ARFGEF3: variants seen among roughly 807,000 people sequenced by gnomAD.
The protein encoded by ARFGEF3 is ARFGEF family member 3.
In ARFGEF3, 96 loss-of-function variants were observed where a neutral mutation model predicts 221.7. The observed-to-expected ratio is 0.43, with a 90% CI of 0.37 to 0.51. ARFGEF3 has a LOEUF of 0.51. Among genes scored for constraint, ARFGEF3 ranks in the 20% least tolerant of loss-of-function variants. The probability of loss-of-function intolerance (pLI) is 0.00; values close to 1 mark genes in which losing one functional copy is unlikely to be tolerated. For missense variants in ARFGEF3, 2,410 were observed against 2,789.9 expected (o/e 0.86, Z 3.07); for synonymous variants, 1,145 against 1,126.8 (o/e 1.02, Z -0.32).
chr6:138,286,053 G>A lies in ARFGEF3; in HGVS notation c.2569G>A (p.Gly857Ser). 6.4e-7 allele frequency: 1 copy of A among 1,574,780 alleles called. No individual in the cohort carries two copies. The highest frequency in any genetic ancestry group is 8.7e-7 in the Non-Finnish European group (1 of 1,152,686). Residue 857 changes from glycine (G) to serine (S), a missense_variant and splice_region_variant, in exon 15 of 34, where the codon GGC becomes AGC. Physicochemically the swap from Gly to Ser is moderately conservative, Grantham distance 56 (BLOSUM62 0). Transcript: ENST00000251691. ...GAGAATTGATGACTCCACAGTGGCA[G>A]GTAATGACTTGGGTCTTGAGTTTAT... ...SRRIDDSTVA[G>S]VAFARYILVG...
chr6:138,333,873 G>A lies in ARFGEF3; in HGVS notation c.5124-97G>A, dbSNP rs150694582. The A allele has an allele frequency of 9.5e-6, 13 of 1,362,164 alleles. No homozygotes were observed. In the African/African-American group the frequency reaches 1.4e-4, roughly 15 times the overall value. 84.4% of individuals were successfully genotyped at this position (1,362,164 alleles called of 1,614,324 possible). ...TAGAGGTAGTTTAGTTTGTAAATTT[G>A]CATAGATCGTTCTGAAACGGGTAAC... On this transcript the variant is annotated intron_variant, in intron 32 of 33. Coordinates refer to ENST00000251691, the MANE Select transcript of ARFGEF3 (RefSeq NM_020340.5).
At chr6:138,225,433 CAA>C (rs1463597070) in intron 4 of ARFGEF3, among the ~76,000 whole-genome samples, 2 of 152,250 alleles carry the variant, frequency 1.3e-5, no homozygotes, top group Admixed American at 1.3e-4. Flanking sequence ...CTCTTATCTG[CAA>C]AGTCTGTCTT....
At chr6:138,289,394 T>C (rs1256496967) in intron 17 of ARFGEF3, among the ~76,000 whole-genome samples, 1 of 152,248 alleles carries the variant, frequency 6.6e-6, no homozygotes, top group East Asian at 1.9e-4. Context: ...ATGATCATAA[T>C]GAGAGCCTAA....
chr6:138,213,054 C>T (rs1047750942), intron 4 of ARFGEF3, among the ~76,000 whole-genome samples: 3 of 151,746 alleles, frequency 2.0e-5, no homozygotes, highest in Admixed American at 6.6e-5. Flanking sequence ...TTTGGGAGGT[C>T]GAGGTGGGGG....
chr6:138,172,066 C>G (rs1776846612), intron 2 of ARFGEF3, among the ~76,000 whole-genome samples: 1 of 152,080 alleles, frequency 6.6e-6, no homozygotes, highest in African/African-American at 2.4e-5. Flanking sequence ...AAATTCATTA[C>G]TTTTCCTGTA....
At chr6:138,301,892 A>G (rs1449164094) in intron 22 of ARFGEF3, among the ~76,000 whole-genome samples, 2 of 152,194 alleles carry the variant, frequency 1.3e-5, no homozygotes, top group Non-Finnish European at 2.9e-5. Context: ...AGGCTAAAAA[A>G]TAAAAATGAA....
chr6:138,327,131 C>G (rs959352954), intron 31 of ARFGEF3, among the ~76,000 whole-genome samples: 2 of 152,162 alleles, frequency 1.3e-5, no homozygotes, highest in Admixed American at 6.5e-5. Context: ...ATGAGAGCAT[C>G]AGCAAGAACA....
intron 32 of ARFGEF3, among the ~76,000 whole-genome samples, chr6:138,328,547 A>G (rs1780166206): frequency 6.6e-6 from 1 of 152,168 alleles, no homozygotes; most frequent in Admixed American, 6.6e-5. Context: ...CACCAGTCAT[A>G]TTTAATTAAA....
At chr6:138,174,513 G>T (rs79295402) in intron 2 of ARFGEF3, among the ~76,000 whole-genome samples, 1 of 121,730 alleles carries the variant, frequency 8.2e-6, no homozygotes, top group Admixed American at 9.4e-5. Context: ...AAAAATCCAG[G>T]CACTGTAAAT....
intron 7 of ARFGEF3, among the ~76,000 whole-genome samples, chr6:138,243,635 A>G (rs1293994625): frequency 6.6e-6 from 1 of 152,208 alleles, no homozygotes; most frequent in Admixed American, 6.5e-5. Context: ...TTGTTCAGTA[A>G]TTTTTTAAAT....
chr6:138,204,640 C>A (rs1203361963), intron 2 of ARFGEF3, among the ~76,000 whole-genome samples: 1 of 152,166 alleles, frequency 6.6e-6, no homozygotes, highest in African/African-American at 2.4e-5. Context: ...AGTTTGACAA[C>A]CTCTGATACA....
In ARFGEF3 at chr6:138,293,599, A is replaced by C. The variant is rs79163120; in HGVS notation, c.3369-394A>C. ...TACTCATAAATTATAGACAAACAAA[A>C]CCTTATTCATTAATTTACTGGGGTT... On this transcript the variant is annotated intron_variant, in intron 19 of 33. Transcript: ENST00000251691. 9.9e-3 allele frequency among the ~76,000 whole-genome samples: 1,509 copies of C among 152,212 alleles called. 13 individuals are homozygous for C. The highest frequency in any genetic ancestry group is 0.013 in the Non-Finnish European group (908 of 68,006).
intron 12 of ARFGEF3, among the ~76,000 whole-genome samples, chr6:138,266,119 G>A (rs148643151): frequency 0.028 from 4,245 of 151,830 alleles, 179 homozygotes; most frequent in African/African-American, 0.096. Context: ...AGGCTGAGGC[G>A]GGGGGATCAC....
At chr6:138,329,000 T>A (rs1023901693) in intron 32 of ARFGEF3, among the ~76,000 whole-genome samples, 3 of 151,474 alleles carry the variant, frequency 2.0e-5, no homozygotes, top group African/African-American at 7.3e-5. Context: ...TTGCCTAATT[T>A]AAAAAAATAA....
chr6:138,328,251 T>A (rs1183522218), intron 32 of ARFGEF3, 109 bp downstream of exon 32: 1 of 1,289,436 alleles, frequency 7.8e-7, no homozygotes. Flanking sequence ...CTGAAAACAT[T>A]TGTGGAGTCA....
At chr6:138,240,266 C>T (rs1270461358) in intron 6 of ARFGEF3, among the ~76,000 whole-genome samples, 1 of 152,008 alleles carries the variant, frequency 6.6e-6, no homozygotes, top group Non-Finnish European at 1.5e-5. Flanking sequence ...GTTGAGAAAT[C>T]TTATAATATA....
In ARFGEF3 at chr6:138,263,469, G is replaced by A. The variant is rs769342751; in HGVS notation, c.1986G>A (p.Leu662=). ...GAACTGCCGCCCTGTCTCTAAAACT[G>A]CTGAAGAACCAGGAGGCGGATCAGC... is the stretch of plus-strand genomic sequence containing the variant. ...SLRTAALSLK[L]LKNQEADQHS... Residue 662 remains leucine, a synonymous_variant, in exon 12 of 34, where the codon CTG becomes CTA. Transcript: ENST00000251691. 20 of 1,613,916 alleles carry A rather than the reference G, an allele frequency of 1.2e-5. No individual in the cohort carries two copies. The highest frequency in any genetic ancestry group is 2.7e-5 in the African/African-American group (2 of 75,054).
intron 12 of ARFGEF3, among the ~76,000 whole-genome samples, chr6:138,269,268 A>G (rs888163809): frequency 6.6e-6 from 1 of 152,232 alleles, no homozygotes; most frequent in African/African-American, 2.4e-5. Context: ...CCCTCTAAGG[A>G]ATGGGCTGAA....
intron 4 of ARFGEF3, among the ~76,000 whole-genome samples, chr6:138,227,661 TA>T (rs1307951249): frequency 1.3e-5 from 2 of 151,990 alleles, no homozygotes; most frequent in South Asian, 2.1e-4. Flanking sequence ...GCACTAAAAA[TA>T]AAAAACCTCA....
Sources: gnomAD v4.1 joint callset for allele counts (sites outside exome capture counted in the v4.1 genomes callset) on GRCh38, gnomAD v4.1.1 for gene constraint, MANE v1.5 for transcripts, NCBI Gene and HGNC (gene_info 2026-07-23, HGNC 2026-07-21) for gene names.